Variants in OSBPL8 observed in about 807,000 individuals in gnomAD.
OSBPL8 encodes the protein oxysterol-binding protein-related protein 8.
Under a neutral mutation model 125.5 loss-of-function variants are expected in OSBPL8, and 59 were observed. The ratio of observed to expected loss-of-function variants is 0.47; its 90% CI spans 0.38 to 0.58. The LOEUF is 0.58. Among genes scored for constraint, OSBPL8 ranks in the 20% least tolerant of loss-of-function variants. OSBPL8 has a pLI of 0.00. For synonymous variants in OSBPL8, 330 were observed against 338.9 expected (o/e 0.97, Z 0.29); for missense variants, 758 against 1,047.8 (o/e 0.72, Z 3.82).
Position 76,517,593 on chromosome 12 carries a change from G to A in OSBPL8, c.-67-29975C>T, listed in dbSNP as rs117768616. 8.5e-5 allele frequency among the ~76,000 whole-genome samples: 13 copies of A among 152,194 alleles called. No individual in the cohort carries two copies. The East Asian group carries it at 1.5e-3, about 18-fold the overall frequency. On this transcript the variant is annotated intron_variant, in intron 1 of 23. Transcript: ENST00000261183. Reference sequence around the variant, plus strand: ...AAGAGCCTAAAAAAATCAAAATTCCGTTATGTACTAGTCCAGTTTTGCATT... The same window carrying A: ...AAGAGCCTAAAAAAATCAAAATTCCATTATGTACTAGTCCAGTTTTGCATT...
At chr12:76,442,953 T>C (rs1872358246) in intron 4 of OSBPL8, among the ~76,000 whole-genome samples, 1 of 152,172 alleles carries the variant, frequency 6.6e-6, no homozygotes, top group African/African-American at 2.4e-5. Context: ...TTCTATGAAG[T>C]AGTGGATATT....
intron 2 of OSBPL8, among the ~76,000 whole-genome samples, chr12:76,472,523 G>A (rs760877815): frequency 2.0e-5 from 3 of 152,084 alleles, no homozygotes; most frequent in Non-Finnish European, 2.9e-5. Flanking sequence ...TAGTGGCCCC[G>A]AATGCCAGGC....
chr12:76,427,292 GC>G (rs1432331796), intron 4 of OSBPL8, among the ~76,000 whole-genome samples: 1 of 152,020 alleles, frequency 6.6e-6, no homozygotes, highest in East Asian at 1.9e-4. Context: ...AACCTACCTT[GC>G]CTATACATCA....
intron 16 of OSBPL8, among the ~76,000 whole-genome samples, chr12:76,376,751 C>T (rs183778061): frequency 2.0e-5 from 3 of 152,204 alleles, no homozygotes; most frequent in Non-Finnish European, 4.4e-5. Flanking sequence ...TTTGTACATG[C>T]TGGGTTGGCC....
chr12:76,372,893 A>G (rs1025341193), intron 18 of OSBPL8, among the ~76,000 whole-genome samples: 1 of 152,162 alleles, frequency 6.6e-6, no homozygotes. Flanking sequence ...ATAAAAGCAC[A>G]GTCCTGGGGC....
intron 1 of OSBPL8, among the ~76,000 whole-genome samples, chr12:76,533,383 C>T (rs1950403504): frequency 6.6e-6 from 1 of 152,172 alleles, no homozygotes; most frequent in South Asian, 2.1e-4. Flanking sequence ...TTCTCTGGAG[C>T]TCCTGCTTCA....
At chr12:76,439,517 T>C (rs970393147) in intron 4 of OSBPL8, among the ~76,000 whole-genome samples, 10 of 152,150 alleles carry the variant, frequency 6.6e-5, no homozygotes, top group African/African-American at 2.4e-4. Flanking sequence ...TGACAGAATA[T>C]GTATGTGCTT....
At chr12:76,456,864 A>G (rs926016865) in intron 3 of OSBPL8, among the ~76,000 whole-genome samples, 7 of 152,232 alleles carry the variant, frequency 4.6e-5, no homozygotes, top group Non-Finnish European at 8.8e-5. Flanking sequence ...ATCTGTTTAC[A>G]AGATGAATCA....
At chr12:76,447,317 G>A (rs1430599171) in intron 4 of OSBPL8, among the ~76,000 whole-genome samples, 2 of 152,114 alleles carry the variant, frequency 1.3e-5, no homozygotes, top group Non-Finnish European at 2.9e-5. Context: ...CTAGCAGCAG[G>A]ACAATCAGAT....
intron 1 of OSBPL8, among the ~76,000 whole-genome samples, chr12:76,516,813 T>C (rs1592834485): frequency 6.8e-6 from 1 of 146,080 alleles, no homozygotes; most frequent in East Asian, 2.0e-4. Context: ...TTTTCTTTTC[T>C]TTTCTTTTTT....
At chr12:76,473,902 T>C (rs1162938772) in intron 2 of OSBPL8, among the ~76,000 whole-genome samples, 1 of 152,192 alleles carries the variant, frequency 6.6e-6, no homozygotes, top group Non-Finnish European at 1.5e-5. Context: ...ATCTATCTCA[T>C]AGGGTTATTT....
At chr12:76,514,824 A>G (rs1380814741) in intron 1 of OSBPL8, among the ~76,000 whole-genome samples, 1 of 152,098 alleles carries the variant, frequency 6.6e-6, no homozygotes, top group African/African-American at 2.4e-5. Flanking sequence ...ACATAATCCC[A>G]TACTTCTCGA....
intron 1 of OSBPL8, among the ~76,000 whole-genome samples, chr12:76,537,588 A>G (rs1322175515): frequency 1.3e-5 from 2 of 152,170 alleles, no homozygotes; most frequent in Non-Finnish European, 2.9e-5. Context: ...GTACGATGAG[A>G]GAGATTCACA....
intron 1 of OSBPL8, among the ~76,000 whole-genome samples, chr12:76,501,544 C>G (rs1351433131): frequency 6.6e-6 from 1 of 152,174 alleles, no homozygotes; most frequent in Admixed American, 6.5e-5. Context: ...TTTTAATGAT[C>G]AAGGAAATAG....
intron 1 of OSBPL8, among the ~76,000 whole-genome samples, chr12:76,541,857 A>T (rs957362953): frequency 1.3e-5 from 2 of 152,084 alleles, no homozygotes; most frequent in African/African-American, 4.8e-5. Flanking sequence ...CTCTGTCTCA[A>T]AAAATAAAAA....
At chr12:76,426,715 C>T (rs1870192578) in intron 4 of OSBPL8, among the ~76,000 whole-genome samples, 1 of 152,124 alleles carries the variant, frequency 6.6e-6, no homozygotes. Flanking sequence ...TTTCACAGTA[C>T]ATATACATGT....
chr12:76,386,428 T>C, intron 13 of OSBPL8, 151 bp downstream of exon 13: 1 of 1,285,934 alleles, frequency 7.8e-7, no homozygotes, highest in Non-Finnish European at 1.0e-6. Flanking sequence ...ACTTCAATCA[T>C]AATACATGTC....
rs530645320 is a variant in OSBPL8, at chr12:76,411,389, G to A, written c.218-755C>T. Among the ~76,000 whole-genome samples the A allele has an allele frequency of 6.6e-5, 10 of 152,048 alleles. No individual in the cohort carries two copies. In the East Asian group the frequency reaches 1.4e-3, roughly 21 times the overall value. On this transcript the variant is annotated intron_variant, in intron 4 of 23. Coordinates refer to ENST00000261183, the MANE Select transcript of OSBPL8 (RefSeq NM_020841.5). The stretch of plus-strand genomic sequence containing the variant: ...GAGGTTTTTCTATTTTTGAGGACAG[G>A]TACTATTAACTCTTCCCTATAATTA...
rs5799270 is a variant in OSBPL8, at chr12:76,429,887, T to TAA, written c.218-19255_218-19254dup. Among the ~76,000 whole-genome samples, 21 of 148,570 alleles carry TAA rather than the reference T, an allele frequency of 1.4e-4. 1 individual carries two copies. The highest frequency in any genetic ancestry group is 9.4e-4 in the Admixed American group (14 of 14,898). On this transcript the variant is annotated intron_variant, in intron 4 of 23. Coordinates refer to ENST00000261183, the MANE Select transcript of OSBPL8 (RefSeq NM_020841.5). ...AGGTGAGACTCACAGACAAGGGTTT[T>TAA]AAAAAAAAAAAAGATGGTACCAGCT... is the stretch of plus-strand genomic sequence containing the variant.
Sources: gnomAD v4.1 joint callset for allele counts (sites outside exome capture counted in the v4.1 genomes callset) on GRCh38, gnomAD v4.1.1 for gene constraint, MANE v1.5 for transcripts, NCBI Gene and HGNC (gene_info 2026-07-23, HGNC 2026-07-21) for gene names.